ZNF469: variants seen among roughly 807,000 people sequenced by gnomAD.
ZNF469 encodes the protein zinc finger protein 469.
In ZNF469, 1 loss-of-function variant was observed where a neutral mutation model predicts 1.0. The ratio of observed to expected loss-of-function variants is 1.00; its 90% CI spans 0.35 to 4.73. The LOEUF (loss-of-function observed/expected upper bound fraction) is 4.73. ZNF469 is among the 30% of genes most tolerant of loss of function. The pLI is 0.16. For synonymous variants in ZNF469, 2,703 were observed against 2,363.4 expected, an observed-to-expected ratio of 1.14 and a Z score of -4.17; for missense variants, 6,100 against 5,356.3, an observed-to-expected ratio of 1.14 and a Z score of -4.33.
At chr16:88,277,526 G>A in the ZNF469 span, among the ~76,000 whole-genome samples, 807 of 19,946 alleles carry the variant, frequency 0.04, no homozygotes, top group East Asian at 0.12. Flanking sequence ...ATCAGTGCAC[G>A]GTTAGTGCTG....
At chr16:88,165,511 G>A in the ZNF469 span, among the ~76,000 whole-genome samples, 3 of 152,176 alleles carry the variant, frequency 2.0e-5, no homozygotes, top group Non-Finnish European at 1.5e-5. Flanking sequence ...CAGCCTCTGG[G>A]CTCCTGGATT....
At chr16:88,177,959 C>T in the ZNF469 span, 1 of 152,266 alleles carries the variant, frequency 6.6e-6, no homozygotes, top group African/African-American at 2.4e-5. The surrounding 1 kb of genome is among the most constrained non-coding windows in gnomAD (Gnocchi z 4.8). Flanking sequence ...GATCCACCCG[C>T]CTCAGTCTCC....
the ZNF469 span, among the ~76,000 whole-genome samples, chr16:88,101,892 C>A: frequency 2.5e-4 from 38 of 152,190 alleles, no homozygotes; most frequent in African/African-American, 8.2e-4. Context: ...AACCAGAAAG[C>A]CGTCACGCTG....
the ZNF469 span, among the ~76,000 whole-genome samples, chr16:88,334,305 TA>T: frequency 1.3e-5 from 2 of 152,166 alleles, no homozygotes; most frequent in Admixed American, 1.3e-4. Flanking sequence ...GGATGGATGG[TA>T]AAAAACAACA....
chr16:88,410,707 G>A (rs570144664), intron 1 of ZNF469, among the ~76,000 whole-genome samples: 18 of 145,510 alleles, frequency 1.2e-4, no homozygotes, highest in African/African-American at 4.4e-4. Flanking sequence ...CACAGTTCAC[G>A]GTGACGTCTA....
the ZNF469 span, among the ~76,000 whole-genome samples, chr16:88,281,995 T>C: frequency 6.6e-6 from 1 of 152,190 alleles, no homozygotes; most frequent in African/African-American, 2.4e-5. Flanking sequence ...TGCTGGTGCA[T>C]GGGTTAGTTA....
rs1350329060 is a variant in ZNF469, at chr16:88,430,912, G to A, written c.3442G>A (p.Gly1148Arg). The change falls in exon 3 of 3, where the codon GGG becomes AGG. Residue 1148 changes from glycine to arginine, a missense_variant. Coordinates refer to ENST00000565624, the MANE Select transcript of ZNF469 (RefSeq NM_001367624.2). ...GAAGGCGGCGAGGCAGGAAGCCGGC[G>A]GGGACGGAGCCCCCGCGAACCCCGA... is the stretch of plus-strand genomic sequence containing the variant. The part of the protein sequence containing the change: ...PRKAARQEAG[G>R]DGAPANPEEP... 6 of 1,537,372 alleles carry A rather than the reference G, an allele frequency of 3.9e-6. No individual in the cohort carries two copies. Among genetic ancestry groups the A allele is most frequent in the Non-Finnish European group, 3.5e-6 (4 of 1,145,826 alleles).
the ZNF469 span, among the ~76,000 whole-genome samples, chr16:88,256,978 C>T: frequency 7.8e-6 from 1 of 127,714 alleles, no homozygotes; most frequent in South Asian, 2.5e-4. Context: ...GATGGAGTTT[C>T]ACTCTTGTTG....
chr16:88,279,743 A>G, the ZNF469 span, among the ~76,000 whole-genome samples: 1 of 150,930 alleles, frequency 6.6e-6, no homozygotes, highest in East Asian at 2.0e-4. Context: ...CGCCACACTG[A>G]CACTCGGTCA....
the ZNF469 span, among the ~76,000 whole-genome samples, chr16:88,305,896 ACT>A: frequency 6.6e-6 from 1 of 151,492 alleles, no homozygotes; most frequent in Non-Finnish European, 1.5e-5. Flanking sequence ...TCCCCAGCAC[ACT>A]CTCATGCACA....
the ZNF469 span, among the ~76,000 whole-genome samples, chr16:88,116,325 A>C: frequency 1.3e-5 from 2 of 152,188 alleles, no homozygotes; most frequent in South Asian, 4.1e-4. Context: ...GTTGCGGTGT[A>C]GACACAGGGC....
chr16:88,303,606 T>C, the ZNF469 span, among the ~76,000 whole-genome samples: 1 of 152,194 alleles, frequency 6.6e-6, no homozygotes, highest in African/African-American at 2.4e-5. Context: ...CCCGAGGGCA[T>C]GGGGTCCAGC....
At chr16:88,322,816 G>C in the ZNF469 span, among the ~76,000 whole-genome samples, 5 of 152,178 alleles carry the variant, frequency 3.3e-5, no homozygotes, top group African/African-American at 1.2e-4. Context: ...CCATCGAATG[G>C]ACTTGGCCCA....
chr16:88,307,233 G>C, the ZNF469 span, among the ~76,000 whole-genome samples: 5 of 152,232 alleles, frequency 3.3e-5, no homozygotes, highest in South Asian at 2.1e-4. Flanking sequence ...ACCACATTTT[G>C]TTTATCTGTT....
the ZNF469 span, among the ~76,000 whole-genome samples, chr16:88,135,662 T>C: frequency 6.7e-6 from 1 of 150,116 alleles, no homozygotes. Context: ...GGGCATTCGG[T>C]TCCTCAGCAA....
At chr16:88,162,151 T>A in the ZNF469 span, among the ~76,000 whole-genome samples, 2 of 151,912 alleles carry the variant, frequency 1.3e-5, no homozygotes, top group African/African-American at 4.8e-5. Context: ...AACATGAGAG[T>A]TGAGAAAATC....
chr16:88,341,127 G>A, the ZNF469 span, among the ~76,000 whole-genome samples: 12,507 of 152,280 alleles, frequency 0.082, 526 homozygotes, highest in East Asian at 0.15. Flanking sequence ...TGGGCCACAC[G>A]TGGTCTCTGT....
the ZNF469 span, among the ~76,000 whole-genome samples, chr16:88,113,616 C>G: frequency 6.6e-6 from 1 of 152,192 alleles, no homozygotes; most frequent in African/African-American, 2.4e-5. Flanking sequence ...CAGTTACCTC[C>G]GCAGACTGTG....
chr16:88,279,265 C>T, the ZNF469 span, among the ~76,000 whole-genome samples: 7 of 151,914 alleles, frequency 4.6e-5, no homozygotes, highest in Admixed American at 3.3e-4. Context: ...GATGCTCGGT[C>T]AGTACCGTGT....
Sources: gnomAD v4.1 joint callset for allele counts (sites outside exome capture counted in the v4.1 genomes callset) on GRCh38, gnomAD v4.1.1 for gene constraint, Gnocchi (gnomAD v3.1) non-coding constraint, MANE v1.5 for transcripts, NCBI Gene and HGNC (gene_info 2026-07-23, HGNC 2026-07-21) for gene names.